Variants in LDLRAD4 observed in about 807,000 individuals in gnomAD.
LDLRAD4 encodes low-density lipoprotein receptor class A domain-containing protein 4.
Under a neutral mutation model 17.0 loss-of-function variants are expected in LDLRAD4, and 5 were observed. The observed-to-expected ratio is 0.29, with a 90% CI of 0.15 to 0.62. The LOEUF (loss-of-function observed/expected upper bound fraction) is 0.62. Among genes scored for constraint, LDLRAD4 ranks in the 20% least tolerant of loss-of-function variants. The pLI is 0.84. For missense variants in LDLRAD4, 340 were observed against 424.7 expected, an observed-to-expected ratio of 0.80 and a Z score of 1.75; for synonymous variants, 168 against 171.8, an observed-to-expected ratio of 0.98 and a Z score of 0.17.
At chr18:13,594,262 G>A (rs952530436) in intron 3 of LDLRAD4, among the ~76,000 whole-genome samples, 4 of 151,996 alleles carry the variant, frequency 2.6e-5, no homozygotes, top group Non-Finnish European at 5.9e-5. Context: ...TCCCTCCGTT[G>A]GTCTGTCACT....
intron 3 of LDLRAD4, chr18:13,585,238 G>A (rs2094918121): frequency 6.6e-6 from 1 of 152,204 alleles, no homozygotes; most frequent in Non-Finnish European, 1.5e-5. Context: ...TGTCACTGGG[G>A]CTCATTTCTA....
rs200761040 is a variant in LDLRAD4, at chr18:13,589,994, G to T, written c.182-31123G>T. Among the ~76,000 whole-genome samples the T allele has an allele frequency of 5.9e-3, 884 of 150,988 alleles. 5 individuals are homozygous for T. The highest frequency in any genetic ancestry group is 0.02 in the African/African-American group (841 of 41,062). ...GTGCATGTGTGTGGCTGCGTGTGTG[G>T]GGGTGTGCACGTGTGTGGCTGTGCA... On this transcript the variant is annotated intron_variant, in intron 3 of 5. Transcript: ENST00000359446.
intron 3 of LDLRAD4, among the ~76,000 whole-genome samples, chr18:13,549,774 A>T (rs1818369758): frequency 6.6e-6 from 1 of 152,058 alleles, no homozygotes; most frequent in Non-Finnish European, 1.5e-5. Context: ...GTCCAATTTT[A>T]AAGCTTCTGG....
chr18:13,383,609 C>G (rs555364809), intron 1 of LDLRAD4, among the ~76,000 whole-genome samples: 11 of 152,332 alleles, frequency 7.2e-5, no homozygotes, highest in African/African-American at 2.4e-4. Flanking sequence ...GTGTTTGCTC[C>G]ACAGATGCCC....
At chr18:13,530,659 C>A (rs886694106) in intron 3 of LDLRAD4, among the ~76,000 whole-genome samples, 1 of 152,212 alleles carries the variant, frequency 6.6e-6, no homozygotes, top group Admixed American at 6.5e-5. Context: ...TGAGTGCTCT[C>A]GTGCCCTGGC....
At chr18:13,427,053 G>T (rs1445446037) in intron 2 of LDLRAD4, among the ~76,000 whole-genome samples, 1 of 152,150 alleles carries the variant, frequency 6.6e-6, no homozygotes, top group African/African-American at 2.4e-5. Flanking sequence ...AGGCGTGGTG[G>T]TGCACACCTG....
intron 1 of LDLRAD4, among the ~76,000 whole-genome samples, chr18:13,323,923 G>T (rs992791928): frequency 6.2e-5 from 1 of 16,118 alleles, no homozygotes; most frequent in Non-Finnish European, 3.2e-4. Flanking sequence ...AAAATTAGCC[G>T]GGTGTGGTGT....
chr18:13,325,493 C>T (rs2081472097), intron 1 of LDLRAD4, among the ~76,000 whole-genome samples: 1 of 152,222 alleles, frequency 6.6e-6, no homozygotes, highest in Non-Finnish European at 1.5e-5. Flanking sequence ...CGCTGCCCGG[C>T]CTGACTCCAT....
intron 1 of LDLRAD4, among the ~76,000 whole-genome samples, chr18:13,237,039 G>A (rs1022054455): frequency 6.6e-6 from 1 of 152,188 alleles, no homozygotes; most frequent in African/African-American, 2.4e-5. Context: ...GAAGCAGCAG[G>A]TGTCTCTGTC....
intron 4 of LDLRAD4, among the ~76,000 whole-genome samples, chr18:13,626,779 G>A (rs530991478): frequency 6.6e-6 from 1 of 152,336 alleles, no homozygotes; most frequent in South Asian, 2.1e-4. Flanking sequence ...GGCCCTGGCT[G>A]TTGCGGAGGA....
At chr18:13,303,929 G>A (rs1225563381) in intron 1 of LDLRAD4, among the ~76,000 whole-genome samples, 1 of 152,216 alleles carries the variant, frequency 6.6e-6, no homozygotes, top group African/African-American at 2.4e-5. Context: ...AAAGGCCCAC[G>A]AGTCATCTGC....
chr18:13,525,123 C>T (rs933431588), intron 3 of LDLRAD4, among the ~76,000 whole-genome samples: 2 of 152,196 alleles, frequency 1.3e-5, no homozygotes, highest in African/African-American at 2.4e-5. Context: ...CATCTGGATA[C>T]GGTGCTTTGT....
chr18:13,380,620 C>G (rs2085285253), intron 1 of LDLRAD4, among the ~76,000 whole-genome samples: 1 of 152,218 alleles, frequency 6.6e-6, no homozygotes, highest in Non-Finnish European at 1.5e-5. Context: ...TTAGGGGGAA[C>G]TCTCTCCAAC....
chr18:13,486,796 C>T (rs1205908640), intron 3 of LDLRAD4: 1 of 152,158 alleles, frequency 6.6e-6, no homozygotes, highest in Non-Finnish European at 1.5e-5. Context: ...GCAAATTTCA[C>T]CTCAACAAAC....
At chr18:13,561,893 A>G (rs1003398533) in intron 3 of LDLRAD4, 2 of 152,236 alleles carry the variant, frequency 1.3e-5, no homozygotes, top group African/African-American at 4.8e-5. Flanking sequence ...TGTTTTCTTT[A>G]TATTAGAGAA....
intron 3 of LDLRAD4, among the ~76,000 whole-genome samples, chr18:13,547,974 C>A: frequency 6.6e-6 from 1 of 152,130 alleles, no homozygotes; most frequent in East Asian, 1.9e-4. Flanking sequence ...GAACGAGGTA[C>A]CCAGACAACT....
intron 3 of LDLRAD4, chr18:13,611,430 G>GCGACAGACT: frequency 1.0e-6 from 1 of 985,050 alleles, no homozygotes; most frequent in Non-Finnish European, 1.2e-6. Flanking sequence ...TCTGAAAACT[G>GCGACAGACT]CGACAGACTC....
At chr18:13,260,630 G>A (rs1277806624) in intron 1 of LDLRAD4, among the ~76,000 whole-genome samples, 1 of 152,120 alleles carries the variant, frequency 6.6e-6, no homozygotes, top group Non-Finnish European at 1.5e-5. Context: ...TTTTCCTGTT[G>A]CTTTATTATT....
intron 3 of LDLRAD4, chr18:13,472,724 G>A (rs1402067231): frequency 3.3e-5 from 5 of 152,182 alleles, no homozygotes; most frequent in African/African-American, 1.2e-4. Context: ...ACACATCACA[G>A]AGGTCCCTGG....
Sources: allele counts gnomAD v4.1 joint callset (sites outside exome capture counted in the v4.1 genomes callset), GRCh38; gene constraint gnomAD v4.1.1; transcripts MANE v1.5; gene names NCBI Gene and HGNC (gene_info 2026-07-23, HGNC 2026-07-21).